Variants in IGF2BP2 observed in about 807,000 individuals in gnomAD.
IGF2BP2 encodes insulin like growth factor 2 mRNA binding protein 2, also known as insulin-like growth factor 2 mRNA-binding protein 2.
In IGF2BP2, 17 loss-of-function variants were observed where a neutral mutation model predicts 75.8. The ratio of observed to expected loss-of-function variants is 0.22; its 90% CI spans 0.15 to 0.34. IGF2BP2 has a LOEUF of 0.34. IGF2BP2 is among the 10% of genes least tolerant of loss of function. The pLI is 1.00. For missense variants in IGF2BP2, 516 were observed against 772.4 expected (o/e 0.67, Z 3.93); for synonymous variants, 288 against 295.6 (o/e 0.97, Z 0.26).
intron 10 of IGF2BP2, 38 bp from the exon 11 acceptor site, chr3:185,658,447 T>C (rs766053290): frequency 6.4e-7 from 1 of 1,570,812 alleles, no homozygotes; most frequent in Non-Finnish European, 8.7e-7. Context: ...GCGGGTGCTC[T>C]CAGGGACTGT....
intron 4 of IGF2BP2, chr3:185,693,271 G>A (rs1722185678): frequency 6.6e-6 from 1 of 152,248 alleles, no homozygotes; most frequent in African/African-American, 2.4e-5. Context: ...AGAACATGAT[G>A]CTTTTTAATG....
chr3:185,701,381 AAAGAAAG>A (rs1165908468), intron 2 of IGF2BP2, among the ~76,000 whole-genome samples: 3 of 150,080 alleles, frequency 2.0e-5, no homozygotes, highest in South Asian at 2.1e-4. Context: ...AAAAAAAAAA[AAAGAAAG>A]AAAGAAAGAA....
chr3:185,646,884 G>C, intron 15 of IGF2BP2, 141 bp downstream of exon 15: 1 of 658,384 alleles, frequency 1.5e-6, no homozygotes, highest in Non-Finnish European at 2.7e-6. Flanking sequence ...CATCCCTAAA[G>C]AGCCAGGAAG....
At chr3:185,773,686 T>C (rs1463701965) in intron 2 of IGF2BP2, among the ~76,000 whole-genome samples, 5 of 152,306 alleles carry the variant, frequency 3.3e-5, no homozygotes, top group Admixed American at 2.0e-4. Context: ...ACTGGCCTTA[T>C]CCCTACAGTA....
chr3:185,762,732 G>A (rs1342734860), intron 2 of IGF2BP2, among the ~76,000 whole-genome samples: 1 of 152,146 alleles, frequency 6.6e-6, no homozygotes, highest in East Asian at 1.9e-4. Context: ...GGAAGAAGCA[G>A]CCTTCAAGAG....
chr3:185,811,797 G>A (rs1315495611), intron 2 of IGF2BP2, among the ~76,000 whole-genome samples: 2 of 151,458 alleles, frequency 1.3e-5, no homozygotes, highest in Non-Finnish European at 2.9e-5. Flanking sequence ...CAGTGATGGA[G>A]CACATGGCAG....
chr3:185,649,318 C>A (rs1190895229), intron 14 of IGF2BP2, 85 bp downstream of exon 14: 2 of 1,538,074 alleles, frequency 1.3e-6, no homozygotes, highest in Non-Finnish European at 8.8e-7. Context: ...GGACAGAAGG[C>A]GCCAAGGGGA....
chr3:185,715,016 G>C (rs926916763), intron 2 of IGF2BP2, among the ~76,000 whole-genome samples: 1 of 152,162 alleles, frequency 6.6e-6, no homozygotes, highest in Non-Finnish European at 1.5e-5. Context: ...CTCACATGCC[G>C]CACTGCCAAG....
intron 2 of IGF2BP2, among the ~76,000 whole-genome samples, chr3:185,750,685 G>T (rs1482074578): frequency 6.6e-6 from 1 of 152,174 alleles, no homozygotes; most frequent in Admixed American, 6.5e-5. Flanking sequence ...AAGATTACGT[G>T]CAATCCTCTG....
chr3:185,769,497 A>G (rs757153690), intron 2 of IGF2BP2, among the ~76,000 whole-genome samples: 13 of 152,154 alleles, frequency 8.5e-5, no homozygotes, highest in Admixed American at 3.3e-4. Context: ...CCACTCTTCA[A>G]TTTGCTCTCA....
chr3:185,736,205 T>C (rs755861265), intron 2 of IGF2BP2, among the ~76,000 whole-genome samples: 1 of 152,160 alleles, frequency 6.6e-6, no homozygotes, highest in East Asian at 1.9e-4. Flanking sequence ...AAGGGGGTAC[T>C]GGGCCAAGGT....
At chr3:185,819,064 T>C (rs1740989011) in intron 2 of IGF2BP2, among the ~76,000 whole-genome samples, 1 of 152,146 alleles carries the variant, frequency 6.6e-6, no homozygotes, top group South Asian at 2.1e-4. Flanking sequence ...ATAAAAGGCT[T>C]TGTACAAATA....
At chr3:185,757,459 C>CTTTT (rs57417087) in intron 2 of IGF2BP2, among the ~76,000 whole-genome samples, 29 of 99,620 alleles carry the variant, frequency 2.9e-4, no homozygotes, top group East Asian at 5.2e-4. Flanking sequence ...ATATCTCATA[C>CTTTT]TTTTTTTTTT....
chr3:185,797,946 A>C (rs1449446537), intron 2 of IGF2BP2, among the ~76,000 whole-genome samples: 1 of 150,934 alleles, frequency 6.6e-6, no homozygotes, highest in Non-Finnish European at 1.5e-5. Flanking sequence ...TCATGCCTGT[A>C]ATCTCAACAC....
At chr3:185,671,120 C>CA (rs930510647) in intron 10 of IGF2BP2, among the ~76,000 whole-genome samples, 3 of 152,182 alleles carry the variant, frequency 2.0e-5, no homozygotes, top group Non-Finnish European at 4.4e-5. Context: ...TTGGCGCAGC[C>CA]ATGTGACTGA....
chr3:185,813,371 C>G (rs904631596), intron 2 of IGF2BP2, among the ~76,000 whole-genome samples: 4 of 152,126 alleles, frequency 2.6e-5, no homozygotes, highest in Non-Finnish European at 5.9e-5. Flanking sequence ...TTCTCAGATC[C>G]TTGATTTCAT....
At chr3:185,710,485 C>A (rs976983988) in intron 2 of IGF2BP2, among the ~76,000 whole-genome samples, 6 of 152,210 alleles carry the variant, frequency 3.9e-5, no homozygotes, top group Non-Finnish European at 7.3e-5. Flanking sequence ...GTATTCCCAG[C>A]ACTTTGGGAG....
In IGF2BP2 at chr3:185,677,068, T is replaced by TATATAGAG; in HGVS notation, c.813-1156_813-1155insCTCTATAT. ...AGATATATATATATATATATATATA[T>TATATAGAG]AGAGAGAGAGAGAGAGAGAGAGAGA... On this transcript the variant is annotated intron_variant, in intron 7 of 15. Transcript: ENST00000382199. Among the ~76,000 whole-genome samples, 129 of 35,854 alleles carry TATATAGAG rather than the reference T, an allele frequency of 3.6e-3. 2 individuals carry two copies. The highest frequency in any genetic ancestry group is 4.9e-3 in the East Asian group (7 of 1,442). The allele number at this position is 35,854 out of a possible 152,430, so 23.5% of individuals were successfully genotyped here.
intron 2 of IGF2BP2, among the ~76,000 whole-genome samples, chr3:185,795,804 T>C (rs976129789): frequency 6.6e-6 from 1 of 152,108 alleles, no homozygotes; most frequent in African/African-American, 2.4e-5. Flanking sequence ...GAGAACTGCA[T>C]GAACCCAGCA....
Sources: gnomAD v4.1 joint callset for allele counts (sites outside exome capture counted in the v4.1 genomes callset) on GRCh38, gnomAD v4.1.1 for gene constraint, MANE v1.5 for transcripts, NCBI Gene and HGNC (gene_info 2026-07-23, HGNC 2026-07-21) for gene names.